NPL: variants seen among roughly 807,000 people sequenced by gnomAD.
NPL encodes N-acetylneuraminate lyase.
NPL carries 32 observed loss-of-function variants against 41.1 expected under a neutral mutation model. That is an observed-to-expected ratio of 0.78 (90% CI 0.59 to 1.05). The LOEUF (loss-of-function observed/expected upper bound fraction) is 1.05. NPL is among the 50% of genes least tolerant of loss of function. The pLI, the probability that NPL is intolerant of heterozygous loss-of-function variation, is 0.00. For synonymous variants in NPL, 128 were observed against 134.9 expected, an observed-to-expected ratio of 0.95 and a Z score of 0.35; for missense variants, 321 against 378.4, an observed-to-expected ratio of 0.85 and a Z score of 1.26.
At chr1:182,825,680 G>A (rs1667612158) in intron 11 of NPL, 101 bp from the exon 12 acceptor site, 1 of 815,518 alleles carries the variant, frequency 1.2e-6, no homozygotes, top group Admixed American at 1.8e-5. Flanking sequence ...GTAAATGAAG[G>A]TGTGCAGACT....
rs1667619831 is a variant in NPL, at chr1:182,825,938, G to A, written c.778+118G>A. On this transcript the variant is annotated intron_variant, in intron 12 of 12. Coordinates refer to ENST00000367553, the MANE Select transcript of NPL (RefSeq NM_030769.3). ...TTTTTAATGGTCTGTTGCAAGCAGA[G>A]TTCTGTTTCCCTTATTAACCCTCGG... The A allele has an allele frequency of 5.9e-6, 5 of 845,754 alleles. No homozygotes were observed. In the Admixed American group the frequency reaches 8.5e-5, roughly 14 times the overall value. The allele number at this position is 845,754 out of a possible 1,614,324, so 52.4% of individuals were successfully genotyped here.
At chr1:182,803,203 A>G (rs1666901717) in intron 3 of NPL, among the ~76,000 whole-genome samples, 1 of 152,228 alleles carries the variant, frequency 6.6e-6, no homozygotes, top group Non-Finnish European at 1.5e-5. Flanking sequence ...AATAGACCTA[A>G]GTACCCTAAG....
intron 5 of NPL, chr1:182,809,401 A>G (rs1224972028): frequency 7.0e-6 from 2 of 285,416 alleles, no homozygotes; most frequent in South Asian, 2.9e-5. Context: ...ATAGCCGGAC[A>G]TGGTGGCAGG....
At chr1:182,803,409 T>G (rs74369527) in intron 3 of NPL, among the ~76,000 whole-genome samples, 9,071 of 152,248 alleles carry the variant, frequency 0.06, 367 homozygotes, top group African/African-American at 0.12. Flanking sequence ...AGATAGTTCG[T>G]TAACTACTTT....
chr1:182,806,139 G>T lies in NPL; in HGVS notation c.143-6G>T. ...GGTCCTGCTGACTTACTCTTTGTTT[G>T]AACAGTGAATGGCACAACAGGAGAA... On this transcript the variant is annotated splice_polypyrimidine_tract_variant and splice_region_variant and intron_variant, in intron 4 of 12. Coordinates refer to ENST00000367553, the MANE Select transcript of NPL (RefSeq NM_030769.3). 6.2e-7 allele frequency: 1 copy of T among 1,614,176 alleles called. No homozygotes were observed. Among genetic ancestry groups the T allele is most frequent in the South Asian group, 1.1e-5 (1 of 91,060 alleles).
chr1:182,822,623 G>T (rs1161515288), intron 11 of NPL, among the ~76,000 whole-genome samples: 3 of 152,148 alleles, frequency 2.0e-5, no homozygotes, highest in Non-Finnish European at 2.9e-5. Flanking sequence ...AGTCAGGGCA[G>T]GTCAGTCTTG....
chr1:182,815,462 A>G (rs1345553477), intron 7 of NPL, among the ~76,000 whole-genome samples: 3 of 152,012 alleles, frequency 2.0e-5, no homozygotes, highest in African/African-American at 7.3e-5. Flanking sequence ...GATTAAATAA[A>G]TCCGTAATTA....
At chr1:182,817,184 CT>C (rs1667358585) in intron 8 of NPL, among the ~76,000 whole-genome samples, 1 of 152,106 alleles carries the variant, frequency 6.6e-6, no homozygotes, top group Non-Finnish European at 1.5e-5. Flanking sequence ...TAGGAAAGTC[CT>C]CTGATCTCTT....
At chr1:182,808,550 G>T (rs1016860883) in intron 5 of NPL, among the ~76,000 whole-genome samples, 1 of 152,196 alleles carries the variant, frequency 6.6e-6, no homozygotes, top group African/African-American at 2.4e-5. Flanking sequence ...AGGAAGGAAG[G>T]AATAGGCAAG....
chr1:182,827,206 T>C (rs1358933313), intron 12 of NPL, among the ~76,000 whole-genome samples: 1 of 152,222 alleles, frequency 6.6e-6, no homozygotes, highest in East Asian at 1.9e-4. Context: ...CAAAAGAAAG[T>C]TAGTTCTTCT....
chr1:182,819,668 C>G (rs1057016089), intron 10 of NPL, among the ~76,000 whole-genome samples: 4 of 152,038 alleles, frequency 2.6e-5, no homozygotes, highest in Admixed American at 6.6e-5. Flanking sequence ...GCATCTGTTG[C>G]AGTTACGGGT....
At position 182,814,836 on chromosome 1, in the gene NPL, C is replaced by A. The variant is rs889633866; in HGVS notation, c.342C>A (p.Phe114Leu). 3 of 1,613,964 alleles carry A rather than the reference C, an allele frequency of 1.9e-6. No homozygotes were observed. The East Asian group carries it at 6.7e-5, about 36-fold the overall frequency. ...GADGIAVIAP[F>L]FLKPWTKDIL... is the part of the protein sequence containing the mutation. The stretch of plus-strand genomic sequence containing the variant: ...ATGGCATCGCTGTCATTGCACCGTT[C>A]TTCCTCAAGCCATGGACCAAAGGTA... The change falls in exon 7 of 13, where the codon TTC becomes TTA. Residue 114 changes from phenylalanine (F) to leucine (L), a missense_variant. Transcript: ENST00000367553.
chr1:182,826,262 G>A (rs1667627962), intron 12 of NPL: 1 of 192,210 alleles, frequency 5.2e-6, no homozygotes, highest in African/African-American at 2.4e-5. Flanking sequence ...CTAAATGGAT[G>A]GAGGTTTGGA....
chr1:182,799,297 A>G (rs1666766013), intron 3 of NPL, among the ~76,000 whole-genome samples: 1 of 152,234 alleles, frequency 6.6e-6, no homozygotes, highest in Admixed American at 6.5e-5. Context: ...CAATTAGAAA[A>G]AGGAATTAGA....
intron 5 of NPL, chr1:182,806,498 G>A: frequency 6.5e-7 from 1 of 1,536,252 alleles, no homozygotes; most frequent in Non-Finnish European, 8.7e-7. Context: ...TACAAGGCCA[G>A]TCCCCTCACA....
chr1:182,825,737 C>A, intron 11 of NPL, 44 bp from the exon 12 acceptor site: 1 of 1,240,844 alleles, frequency 8.1e-7, no homozygotes, highest in Non-Finnish European at 1.2e-6. Context: ...ACATTGTTTA[C>A]ACAGTTCAAT....
intron 5 of NPL, 141 bp downstream of exon 5, chr1:182,806,373 C>A (rs755119268): frequency 1.3e-6 from 2 of 1,548,204 alleles, no homozygotes; most frequent in South Asian, 1.2e-5. Context: ...GCAGGGCCCC[C>A]GGGATCCTGG....
rs573226716 is a variant in NPL at position 182,822,003 on chromosome 1, A to T, written c.654-112A>T. On this transcript the variant is annotated intron_variant, in intron 10 of 12. Transcript: ENST00000367553. ...CTAATAGATTAGGATTCAAAAACAG[A>T]CTTTAGGAGGACTAGGTGTATTTTT... 9.5e-4 allele frequency: 724 copies of T among 758,688 alleles called. 2 individuals carry two copies. The highest frequency in any genetic ancestry group is 1.5e-3 in the Non-Finnish European group (621 of 421,880). 47.0% of individuals were successfully genotyped at this position (758,688 alleles called of 1,614,324 possible).
At chr1:182,800,646 C>G (rs955941419) in intron 3 of NPL, among the ~76,000 whole-genome samples, 2 of 151,554 alleles carry the variant, frequency 1.3e-5, no homozygotes, top group East Asian at 3.9e-4. Flanking sequence ...GCCTGAGGGA[C>G]CTGGGGGCAT....
Sources: allele counts gnomAD v4.1 joint callset (sites outside exome capture counted in the v4.1 genomes callset), GRCh38; gene constraint gnomAD v4.1.1; transcripts MANE v1.5; gene names NCBI Gene and HGNC (gene_info 2026-07-23, HGNC 2026-07-21).